The following FOXP1 variants were observed in gnomAD, a reference collection of about 807,000 sequenced individuals.
FOXP1 encodes the protein forkhead box protein P1.
A neutral mutation model predicts 98.2 loss-of-function variants in FOXP1; 15 were observed. That is an observed-to-expected ratio of 0.15 (90% CI 0.10 to 0.24). The LOEUF is 0.24. Among genes scored for constraint, FOXP1 ranks in the 10% least tolerant of loss-of-function variants. FOXP1 has a pLI of 1.00. For missense variants in FOXP1, 633 were observed against 848.5 expected, an observed-to-expected ratio of 0.75 and a Z score of 3.15; for synonymous variants, 371 against 314.5, an observed-to-expected ratio of 1.18 and a Z score of -1.90.
At position 71,581,557 on chromosome 3, in the gene FOXP1, T is replaced by G. The variant is rs2048172711; in HGVS notation, c.-306A>C. 1 of 985,208 alleles carries G rather than the reference T, an allele frequency of 1.0e-6. No homozygotes were observed. Among genetic ancestry groups the G allele is most frequent in the Non-Finnish European group, 1.2e-6 (1 of 829,918 alleles). The allele number at this position is 985,208 out of a possible 1,614,324, so 61.0% of individuals were successfully genotyped here. On this transcript the variant is annotated 5_prime_UTR_variant, in exon 2 of 21. Coordinates refer to ENST00000649528, the MANE Select transcript of FOXP1 (RefSeq NM_001349338.3). ...CGGCCGCCTCGACTTACCCGCGGAGTCCGGGGAGGGAGTAGGAGCGCCGCC... is the reference window on the plus strand; with the variant it reads ...CGGCCGCCTCGACTTACCCGCGGAGGCCGGGGAGGGAGTAGGAGCGCCGCC...
intron 3 of FOXP1, among the ~76,000 whole-genome samples, chr3:71,455,472 C>T (rs925257289): frequency 6.6e-6 from 1 of 152,118 alleles, no homozygotes; most frequent in African/African-American, 2.4e-5. Context: ...TGGAAACTAG[C>T]TCTCAAAGGG....
intron 5 of FOXP1, among the ~76,000 whole-genome samples, chr3:71,229,966 C>G (rs1193204384): frequency 6.6e-6 from 1 of 152,094 alleles, no homozygotes; most frequent in Non-Finnish European, 1.5e-5. Flanking sequence ...CTGTCAAGCT[C>G]AGATTATCTC....
chr3:71,292,326 T>C (rs2072841911), intron 5 of FOXP1, among the ~76,000 whole-genome samples: 1 of 152,104 alleles, frequency 6.6e-6, no homozygotes, highest in Non-Finnish European at 1.5e-5. Flanking sequence ...AGTAATTTTA[T>C]TTTACTTTTG....
chr3:71,344,964 A>T (rs1227416403), intron 4 of FOXP1, among the ~76,000 whole-genome samples: 1 of 152,242 alleles, frequency 6.6e-6, no homozygotes, highest in Non-Finnish European at 1.5e-5. Flanking sequence ...CAAATACAGA[A>T]CTAGACACAT....
intron 3 of FOXP1, among the ~76,000 whole-genome samples, chr3:71,371,803 A>G (rs1293959627): frequency 1.3e-5 from 2 of 152,038 alleles, no homozygotes; most frequent in African/African-American, 2.4e-5. Flanking sequence ...GCCCCGGTAT[A>G]CAGGGTCCTG....
chr3:71,359,463 A>C (rs1374715145), intron 3 of FOXP1, among the ~76,000 whole-genome samples: 2 of 152,202 alleles, frequency 1.3e-5, no homozygotes, highest in African/African-American at 4.8e-5. Flanking sequence ...GCAAAATGTT[A>C]TGTAGGTGAG....
At chr3:71,242,184 T>G (rs931531905) in intron 5 of FOXP1, among the ~76,000 whole-genome samples, 1 of 152,220 alleles carries the variant, frequency 6.6e-6, no homozygotes, top group African/African-American at 2.4e-5. Context: ...TTCGGTAACA[T>G]GCTATTACTA....
chr3:71,069,835 A>G (rs2053002408), intron 7 of FOXP1, among the ~76,000 whole-genome samples: 1 of 152,230 alleles, frequency 6.6e-6, no homozygotes, highest in African/African-American at 2.4e-5. Flanking sequence ...AAATCGCTGA[A>G]TATCAGATAA....
At chr3:71,546,528 G>C (rs2045376130) in intron 2 of FOXP1, among the ~76,000 whole-genome samples, 1 of 152,052 alleles carries the variant, frequency 6.6e-6, no homozygotes, top group African/African-American at 2.4e-5. Context: ...TATACACACA[G>C]AGATGCACAA....
chr3:71,006,489 G>A (rs1396882707), intron 12 of FOXP1, among the ~76,000 whole-genome samples: 1 of 151,946 alleles, frequency 6.6e-6, no homozygotes, highest in Non-Finnish European at 1.5e-5. Context: ...TCAAAATTAT[G>A]GATTTTCTAA....
intron 3 of FOXP1, among the ~76,000 whole-genome samples, chr3:71,390,213 C>T (rs1442034464): frequency 6.6e-6 from 1 of 152,198 alleles, no homozygotes. Flanking sequence ...CCCAGCAGCC[C>T]TAAGTCAGGA....
chr3:70,971,733 A>C, intron 18 of FOXP1: 1 of 297,550 alleles, frequency 3.4e-6, no homozygotes, highest in South Asian at 1.5e-4. Flanking sequence ...AGGGGGGATT[A>C]TGGGTTAAGC....
At chr3:71,055,206 C>T (rs1211386014) in intron 7 of FOXP1, among the ~76,000 whole-genome samples, 1 of 152,188 alleles carries the variant, frequency 6.6e-6, no homozygotes, top group Admixed American at 6.5e-5. Flanking sequence ...CTCAGCATCA[C>T]TAATTTTGAT....
rs575675227 is a variant in FOXP1 at position 71,011,871 on chromosome 3, G to A, written c.974+3678C>T. 1.0e-3 allele frequency among the ~76,000 whole-genome samples: 156 copies of A among 152,152 alleles called. 1 individual carries two copies. The highest frequency in any genetic ancestry group is 3.4e-3 in the Middle Eastern group (1 of 294). ...TCTAATATCTTTAGAAGAGAAATGG[G>A]CTCTTTTATAGGAATTGAGTCTAGG... On this transcript the variant is annotated intron_variant, in intron 12 of 20. Coordinates refer to ENST00000649528, the MANE Select transcript of FOXP1 (RefSeq NM_001349338.3).
intron 4 of FOXP1, among the ~76,000 whole-genome samples, chr3:71,351,154 C>T (rs759611706): frequency 9.2e-5 from 14 of 152,164 alleles, no homozygotes; most frequent in African/African-American, 2.2e-4. Context: ...GAATCGCCTC[C>T]GTGAATGAAT....
chr3:71,580,687 G>C (rs557634269), intron 2 of FOXP1: 206 of 596,076 alleles, frequency 3.5e-4, no homozygotes, highest in Middle Eastern at 8.6e-4. Flanking sequence ...TGGGGGAAAG[G>C]GGATGGAATG....
intron 3 of FOXP1, among the ~76,000 whole-genome samples, chr3:71,359,677 G>A (rs561002039): frequency 9.9e-5 from 15 of 152,226 alleles, no homozygotes; most frequent in African/African-American, 3.1e-4. Context: ...AACTATAGGT[G>A]TGCGCCACCA....
intron 5 of FOXP1, among the ~76,000 whole-genome samples, chr3:71,208,357 A>G (rs2108444990): frequency 6.6e-6 from 1 of 152,312 alleles, no homozygotes; most frequent in African/African-American, 2.4e-5. Context: ...AAAAAAGCAA[A>G]CAACTGCATA....
At chr3:71,342,710 C>T (rs111945109) in intron 4 of FOXP1, among the ~76,000 whole-genome samples, 22 of 150,522 alleles carry the variant, frequency 1.5e-4, no homozygotes, top group African/African-American at 4.9e-4. Context: ...GCAAACAGAC[C>T]TTGATCCAAG....
Sources: gnomAD v4.1 joint callset for allele counts (sites outside exome capture counted in the v4.1 genomes callset) on GRCh38, gnomAD v4.1.1 for gene constraint, MANE v1.5 for transcripts, NCBI Gene and HGNC (gene_info 2026-07-23, HGNC 2026-07-21) for gene names.